Variants in CTNNA2 observed in about 807,000 individuals in gnomAD.
CTNNA2 encodes the protein catenin alpha 2.
Under a neutral mutation model 101.0 loss-of-function variants are expected in CTNNA2, and 42 were observed. That is an observed-to-expected ratio of 0.42 (90% CI 0.32 to 0.54). CTNNA2 has a LOEUF of 0.54. Among genes scored for constraint, CTNNA2 ranks in the 20% least tolerant of loss-of-function variants. The probability of loss-of-function intolerance (pLI) is 0.14; values close to 1 mark genes in which losing one functional copy is unlikely to be tolerated. For synonymous variants in CTNNA2, 450 were observed against 456.4 expected (o/e 0.99, Z 0.18); for missense variants, 871 against 1,223.1 (o/e 0.71, Z 4.29).
At chr2:79,661,992 G>A (rs1248994980) in intron 2 of CTNNA2, among the ~76,000 whole-genome samples, 1 of 151,646 alleles carries the variant, frequency 6.6e-6, no homozygotes, top group African/African-American at 2.4e-5. Context: ...GAATGTGAAG[G>A]GTAAAAGGGA....
At chr2:79,244,555 G>C (rs763999535) in intron 2 of CTNNA2, among the ~76,000 whole-genome samples, 3 of 152,184 alleles carry the variant, frequency 2.0e-5, no homozygotes, top group Non-Finnish European at 4.4e-5. Flanking sequence ...GGGAGGAAAG[G>C]AAGTCCTAGC....
At chr2:79,231,972 T>C (rs1461033321) in intron 2 of CTNNA2, among the ~76,000 whole-genome samples, 1 of 152,182 alleles carries the variant, frequency 6.6e-6, no homozygotes, top group Non-Finnish European at 1.5e-5. Flanking sequence ...ATCTTTGGAG[T>C]TTTCTAGGTA....
At chr2:79,189,001 G>A (rs367907083) in intron 1 of CTNNA2, among the ~76,000 whole-genome samples, 9 of 152,204 alleles carry the variant, frequency 5.9e-5, no homozygotes, top group Middle Eastern at 6.8e-3. Flanking sequence ...AACCACACCC[G>A]GTCAATACAG....
chr2:80,165,275 G>T (rs563496378), intron 7 of CTNNA2, among the ~76,000 whole-genome samples: 8 of 150,788 alleles, frequency 5.3e-5, no homozygotes, highest in African/African-American at 1.9e-4. Flanking sequence ...CAAAAGATTG[G>T]CTAGTTCCTG....
At chr2:79,587,751 G>C (rs1676589093) in intron 1 of CTNNA2, among the ~76,000 whole-genome samples, 1 of 152,160 alleles carries the variant, frequency 6.6e-6, no homozygotes. Flanking sequence ...CTTTTTGTAA[G>C]GGCAGTTCCT....
chr2:80,518,416 T>A (rs1472425755), intron 9 of CTNNA2, among the ~76,000 whole-genome samples: 9 of 152,176 alleles, frequency 5.9e-5, no homozygotes, highest in Admixed American at 5.9e-4. Context: ...TCCATGTCCT[T>A]CTTGTCTTTA....
At chr2:80,036,848 T>TGAGAGAGAGAGA (rs71965090) in intron 7 of CTNNA2, among the ~76,000 whole-genome samples, 1 of 120,236 alleles carries the variant, frequency 8.3e-6, no homozygotes, top group Non-Finnish European at 1.8e-5. Flanking sequence ...TGTGTGTGTG[T>TGAGAGAGAGAGA]GAGAGAGAGA....
intron 18 of CTNNA2, among the ~76,000 whole-genome samples, chr2:80,625,209 GGCTTTT>G: frequency 6.6e-6 from 1 of 151,892 alleles, no homozygotes; most frequent in South Asian, 2.1e-4. Context: ...AACCTCCCTG[GGCTTTT>G]GCTTTTTATT....
intron 7 of CTNNA2, among the ~76,000 whole-genome samples, chr2:80,052,469 CTG>C (rs1388577467): frequency 6.6e-6 from 1 of 152,224 alleles, no homozygotes; most frequent in Non-Finnish European, 1.5e-5. Flanking sequence ...ACATTTCACT[CTG>C]TGATTTGTTG....
intron 7 of CTNNA2, among the ~76,000 whole-genome samples, chr2:80,030,231 TAAA>T (rs199886453): frequency 7.3e-6 from 1 of 137,890 alleles, no homozygotes; most frequent in Non-Finnish European, 1.6e-5. Flanking sequence ...GAATTATTGT[TAAA>T]AAAAAAAAAA....
At chr2:79,991,672 G>A (rs1169460966) in intron 7 of CTNNA2, among the ~76,000 whole-genome samples, 3 of 152,112 alleles carry the variant, frequency 2.0e-5, no homozygotes, top group Non-Finnish European at 2.9e-5. Flanking sequence ...TTACATAACT[G>A]TAATGGAAAG....
At chr2:79,370,626 A>T (rs1241057454) in intron 3 of CTNNA2, among the ~76,000 whole-genome samples, 2 of 152,076 alleles carry the variant, frequency 1.3e-5, no homozygotes, top group Non-Finnish European at 2.9e-5. Flanking sequence ...CAATGATCTT[A>T]ACTTTTTTTT....
chr2:80,217,350 G>T (rs1163851398), intron 7 of CTNNA2, among the ~76,000 whole-genome samples: 1 of 152,024 alleles, frequency 6.6e-6, no homozygotes, highest in East Asian at 1.9e-4. Context: ...GTGTCTCGGG[G>T]TCCAAGGACA....
At chr2:79,338,472 G>A (rs1573093984) in intron 3 of CTNNA2, among the ~76,000 whole-genome samples, 1 of 152,142 alleles carries the variant, frequency 6.6e-6, no homozygotes, top group Non-Finnish European at 1.5e-5. Context: ...AGATGGGAGG[G>A]TGAATGAGAT....
chr2:80,592,888 T>TGTGAA (rs1461888933), intron 15 of CTNNA2, among the ~76,000 whole-genome samples: 2 of 152,150 alleles, frequency 1.3e-5, no homozygotes, highest in African/African-American at 4.8e-5. Context: ...ACAAAATAAA[T>TGTGAA]GTGAATTAGT....
Position 79,841,641 on chromosome 2 carries a change from C to T in CTNNA2, c.299-16372C>T, listed in dbSNP as rs144927681. Among the ~76,000 whole-genome samples the T allele has an allele frequency of 7.2e-5, 11 of 152,262 alleles. No homozygotes were observed. The East Asian group carries it at 2.1e-3, about 29-fold the overall frequency. ...AGATGATGAATAATTTCTCATTCTA[C>T]TATAAGGTGTGCTTTCTTTAGGAAA... On this transcript the variant is annotated intron_variant, in intron 3 of 18. Transcript: ENST00000402739.
At chr2:79,348,356 T>G (rs1558639373) in intron 3 of CTNNA2, among the ~76,000 whole-genome samples, 1 of 152,170 alleles carries the variant, frequency 6.6e-6, no homozygotes, top group Non-Finnish European at 1.5e-5. Context: ...GACAGTTGTT[T>G]TGGGGGCACA....
chr2:79,348,165 A>G (rs1195238331), intron 3 of CTNNA2, among the ~76,000 whole-genome samples: 1 of 152,150 alleles, frequency 6.6e-6, no homozygotes, highest in African/African-American at 2.4e-5. Flanking sequence ...TTGGACTCCT[A>G]TGAAAACAGT....
chr2:79,266,622 G>A (rs988997163), intron 2 of CTNNA2, among the ~76,000 whole-genome samples: 18 of 152,204 alleles, frequency 1.2e-4, no homozygotes, highest in African/African-American at 3.6e-4. Context: ...ATGATGGTTG[G>A]CAGCAAGATC....
Sources: allele counts gnomAD v4.1 joint callset (sites outside exome capture counted in the v4.1 genomes callset), GRCh38; gene constraint gnomAD v4.1.1; transcripts MANE v1.5; gene names NCBI Gene and HGNC (gene_info 2026-07-23, HGNC 2026-07-21).